DUSP26: variants seen among roughly 807,000 people sequenced by gnomAD.
DUSP26 encodes the protein dual specificity protein phosphatase 26.
In DUSP26, 12 loss-of-function variants were observed where a neutral mutation model predicts 20.0. That is an observed-to-expected ratio of 0.60 (90% CI 0.38 to 0.97). The LOEUF (loss-of-function observed/expected upper bound fraction) is 0.97. Ranked by LOEUF, DUSP26 falls within the 50% of genes least tolerant of loss-of-function variation. DUSP26 has a pLI of 0.00. For missense variants in DUSP26, 230 were observed against 294.0 expected (o/e 0.78, Z 1.59); for synonymous variants, 120 against 118.8 (o/e 1.01, Z -0.06).
chr8:33,598,748 G>T (rs1397127455), intron 1 of DUSP26, among the ~76,000 whole-genome samples: 3 of 152,066 alleles, frequency 2.0e-5, no homozygotes, highest in Admixed American at 6.6e-5. Flanking sequence ...CAATGGCAAG[G>T]CCCCTTCCCC....
chr8:33,594,345 C>A (rs1811093364), intron 2 of DUSP26, among the ~76,000 whole-genome samples: 1 of 151,834 alleles, frequency 6.6e-6, no homozygotes, highest in African/African-American at 2.4e-5. Context: ...GTAATCCCAG[C>A]ACTTTGGGAG....
Position 33,593,737 on chromosome 8 carries a change from T to C in DUSP26, c.232A>G (p.Asn78Asp). The change falls in exon 3 of 4, where the codon AAC (asparagine) becomes GAC (aspartate). Residue 78 changes from asparagine to aspartate, a missense_variant. By Grantham distance (23) the Asn-to-Asp change is conservative (BLOSUM62 1). Coordinates refer to ENST00000256261, the MANE Select transcript of DUSP26 (RefSeq NM_024025.3). ...GLYLGDQDMA[N>D]NRRELRRLGI... Reference sequence around the variant, plus strand: ...AGGCGGCGAAGCTCCCGGCGGTTGTTAGCCATGTCCCTGCATTGAGTAGAG... The same window carrying C: ...AGGCGGCGAAGCTCCCGGCGGTTGTCAGCCATGTCCCTGCATTGAGTAGAG... The C allele has an allele frequency of 6.2e-7, 1 of 1,614,176 alleles. No individual in the cohort carries two copies. Among genetic ancestry groups the C allele is most frequent in the South Asian group, 1.1e-5 (1 of 91,070 alleles).
chr8:33,597,453 G>T lies in DUSP26; in HGVS notation c.63C>A (p.Ser21Arg). The T allele has an allele frequency of 1.2e-6, 2 of 1,614,102 alleles. No individual in the cohort carries two copies. Among genetic ancestry groups the T allele is most frequent in the Non-Finnish European group, 1.7e-6 (2 of 1,180,026 alleles). ...MTFMARFSRS[S>R]SRSPVRTRGT... ...CTCGAGTTCGAACAGGAGACCTTGA[G>T]CTACTCCGGGAGAAGCGGGCCATAA... Residue 21 changes from serine (S) to arginine (R), a missense_variant, in exon 2 of 4, where the codon AGC becomes AGA. By Grantham distance (110) the Ser-to-Arg change is moderately radical. Transcript: ENST00000256261.
Position 33,592,007 on chromosome 8 carries a change from C to T in DUSP26, c.*6G>A, listed in dbSNP as rs748987864. 8 of 1,612,960 alleles carry T rather than the reference C, an allele frequency of 5.0e-6. No individual in the cohort carries two copies. The highest frequency in any genetic ancestry group is 6.8e-6 in the Non-Finnish European group (8 of 1,179,992). ...CGGGCCTGGCCTGACCTCTCTCCCC[C>T]TCCCCTCATGCTTCCAGACCCTGCC... On this transcript the variant is annotated 3_prime_UTR_variant, in exon 4 of 4. Coordinates refer to ENST00000256261, the MANE Select transcript of DUSP26 (RefSeq NM_024025.3).
rs1295510883 is a variant in DUSP26, at chr8:33,591,723, C to A, written c.*290G>T. On this transcript the variant is annotated 3_prime_UTR_variant, in exon 4 of 4. Transcript: ENST00000256261. ...GGAAGGGACTGTGAATCCCAGGGAG[C>A]ACCCTGGCCAGATCCCAGCGGTGTT... 2.4e-6 allele frequency: 1 copy of A among 410,722 alleles called. No individual in the cohort carries two copies. Among genetic ancestry groups the A allele is most frequent in the African/African-American group, 2.1e-5 (1 of 47,948 alleles). 25.4% of individuals were successfully genotyped at this position (410,722 alleles called of 1,614,324 possible). A position where few individuals can be genotyped will look rare whatever the true frequency, so the allele number is the denominator to read the frequency against.
At chr8:33,594,361 G>A (rs961754868) in intron 2 of DUSP26, among the ~76,000 whole-genome samples, 1 of 151,966 alleles carries the variant, frequency 6.6e-6, no homozygotes, top group South Asian at 2.1e-4. Flanking sequence ...GGGAGGCCGA[G>A]GCGGGCGGAT....
chr8:33,593,663 C>A lies in DUSP26; in HGVS notation c.306G>T (p.Thr102=). Residue 102 remains threonine, a synonymous_variant, in exon 3 of 4, where the codon ACG becomes ACT. Coordinates refer to ENST00000256261, the MANE Select transcript of DUSP26 (RefSeq NM_024025.3). The part of the protein sequence containing the change: ...LNASHSRWRG[T]PEAYEGLGIR... ...TGCCCAGCCCCTCATAGGCCTCGGG[C>A]GTGCCTCGCCACCGGCTGTGTGAGG... is the stretch of plus-strand genomic sequence containing the variant. 1.9e-6 allele frequency: 3 copies of A among 1,614,146 alleles called. No homozygotes were observed. The highest frequency in any genetic ancestry group is 2.5e-6 in the Non-Finnish European group (3 of 1,180,044).
chr8:33,592,418 A>T (rs1415648483), intron 3 of DUSP26, among the ~76,000 whole-genome samples: 1 of 151,702 alleles, frequency 6.6e-6, no homozygotes, highest in Non-Finnish European at 1.5e-5. Context: ...TAAAAATACA[A>T]AAATCAACTG....
In DUSP26 at chr8:33,591,651, C is replaced by A; in HGVS notation, c.*362G>T. The A allele has an allele frequency of 3.5e-6, 1 of 282,722 alleles. No individual in the cohort carries two copies. Among genetic ancestry groups the A allele is most frequent in the Non-Finnish European group, 6.8e-6 (1 of 147,704 alleles). The allele number at this position is 282,722 out of a possible 1,614,324, so 17.5% of individuals were successfully genotyped here. On this transcript the variant is annotated 3_prime_UTR_variant, in exon 4 of 4. Coordinates refer to ENST00000256261, the MANE Select transcript of DUSP26 (RefSeq NM_024025.3). Reference sequence around the variant, plus strand: ...GCACAAGTGCAGGGCAGAGATGGCCCTTTTGTTTTGGTGAGGGAGAGAGGG... The same window carrying A: ...GCACAAGTGCAGGGCAGAGATGGCCATTTTGTTTTGGTGAGGGAGAGAGGG...
chr8:33,599,618 C>G (rs892124204), intron 1 of DUSP26, 47 bp downstream of exon 1: 9 of 152,160 alleles, frequency 5.9e-5, no homozygotes, highest in African/African-American at 2.2e-4. Flanking sequence ...CTCTCCCCAG[C>G]GTGGAGAGCC....
At chr8:33,593,484 C>A (rs778281252) in intron 3 of DUSP26, 49 bp downstream of exon 3, 6 of 1,588,578 alleles carry the variant, frequency 3.8e-6, no homozygotes, top group Non-Finnish European at 8.6e-7. Context: ...TGGACTTCCC[C>A]AAATTCCAGG....
intron 2 of DUSP26, among the ~76,000 whole-genome samples, chr8:33,595,204 C>T (rs1811113361): frequency 6.6e-6 from 1 of 152,150 alleles, no homozygotes; most frequent in African/African-American, 2.4e-5. Flanking sequence ...TTGTTCTGCT[C>T]ATTTCATCGG....
chr8:33,591,363 G>A lies in DUSP26; in HGVS notation c.*650C>T, dbSNP rs80224760. The A allele has an allele frequency of 0.026, 3,947 of 152,598 alleles. 185 individuals are homozygous for A. Among genetic ancestry groups the A allele is most frequent in the African/African-American group, 0.086 (3,559 of 41,474 alleles). 9.5% of individuals were successfully genotyped at this position (152,598 alleles called of 1,614,324 possible). A position where few individuals can be genotyped will look rare whatever the true frequency, so the allele number is the denominator to read the frequency against. ...CATGATCTTTATTTATCCTCGAGAC[G>A]CTTGGATCCAGTAAGCGAGTGACAA... On this transcript the variant is annotated 3_prime_UTR_variant, in exon 4 of 4. Coordinates refer to ENST00000256261, the MANE Select transcript of DUSP26 (RefSeq NM_024025.3).
intron 1 of DUSP26, among the ~76,000 whole-genome samples, chr8:33,599,254 G>A (rs2128847803): frequency 6.6e-6 from 1 of 151,692 alleles, no homozygotes; most frequent in African/African-American, 2.4e-5. Flanking sequence ...TAGAGAGTCT[G>A]CTGTCTACGA....
rs757523529 is a variant in DUSP26, at chr8:33,591,982, C to T, written c.*31G>A. ...CAGCTGGGAGCCAGGGACCTACCCA[C>T]GGGCCTGGCCTGACCTCTCTCCCCC... On this transcript the variant is annotated 3_prime_UTR_variant, in exon 4 of 4. Transcript: ENST00000256261. 2.4e-5 allele frequency: 38 copies of T among 1,609,012 alleles called. 1 individual carries two copies. In the East Asian group the frequency reaches 3.8e-4, roughly 16 times the overall value.
intron 2 of DUSP26, 99 bp from the exon 3 acceptor site, chr8:33,593,846 T>TA: frequency 7.9e-7 from 1 of 1,259,956 alleles, no homozygotes; most frequent in East Asian, 2.6e-5. Flanking sequence ...CTATTGTTGA[T>TA]TTTTTTTTGA....
intron 2 of DUSP26, 63 bp from the exon 3 acceptor site, chr8:33,593,810 T>G (rs1811081794): frequency 5.1e-6 from 8 of 1,564,068 alleles, no homozygotes; most frequent in Non-Finnish European, 6.1e-6. Flanking sequence ...GACTCCCTTG[T>G]CTACACCCTG....
intron 2 of DUSP26, 41 bp from the exon 3 acceptor site, chr8:33,593,788 G>T (rs370255931): frequency 6.2e-7 from 1 of 1,601,748 alleles, no homozygotes; most frequent in South Asian, 1.1e-5. Context: ...GGAAAGCCAG[G>T]TTGTTGGGGA....
intron 1 of DUSP26, 113 bp from the exon 2 acceptor site, chr8:33,597,704 T>A: frequency 1.8e-6 from 1 of 570,084 alleles, no homozygotes; most frequent in South Asian, 2.4e-5. Context: ...TAAGCCTGGC[T>A]CTGGCAGGAG....
Sources: gnomAD v4.1 joint callset for allele counts (sites outside exome capture counted in the v4.1 genomes callset) on GRCh38, gnomAD v4.1.1 for gene constraint, MANE v1.5 for transcripts, NCBI Gene and HGNC (gene_info 2026-07-23, HGNC 2026-07-21) for gene names.